LRP12: variants seen among roughly 807,000 people sequenced by gnomAD.
LRP12 encodes LDL receptor related protein 12, also known as low-density lipoprotein receptor-related protein 12.
LRP12 carries 14 observed loss-of-function variants against 66.0 expected under a neutral mutation model. The observed-to-expected ratio is 0.21, with a 90% CI of 0.14 to 0.33. The LOEUF is 0.33. Among genes scored for constraint, LRP12 ranks in the 10% least tolerant of loss-of-function variants. LRP12 has a pLI of 1.00. For missense variants in LRP12, 889 were observed against 1,053.4 expected (o/e 0.84, Z 2.16); for synonymous variants, 357 against 359.1 (o/e 0.99, Z 0.07).
chr8:104,584,801 T>C (rs890389465), intron 1 of LRP12, among the ~76,000 whole-genome samples: 1 of 152,230 alleles, frequency 6.6e-6, no homozygotes, highest in Admixed American at 6.5e-5. Flanking sequence ...TTTTATGTAA[T>C]CAAACTTGAC....
intron 1 of LRP12, among the ~76,000 whole-genome samples, chr8:104,549,278 T>C (rs566022958): frequency 6.6e-6 from 1 of 152,194 alleles, no homozygotes; most frequent in East Asian, 1.9e-4. Flanking sequence ...TACCTATCAT[T>C]TACTCCTGAA....
chr8:104,585,366 C>T (rs1212240944), intron 1 of LRP12, among the ~76,000 whole-genome samples: 3 of 152,164 alleles, frequency 2.0e-5, no homozygotes, highest in African/African-American at 7.2e-5. Flanking sequence ...GCTGGGATTA[C>T]AGGCATGTAC....
At chr8:104,556,162 C>T (rs1811803733) in intron 1 of LRP12, among the ~76,000 whole-genome samples, 1 of 152,028 alleles carries the variant, frequency 6.6e-6, no homozygotes, top group Non-Finnish European at 1.5e-5. Context: ...AAAAGCAGTG[C>T]TATGAGGAAA....
intron 6 of LRP12, among the ~76,000 whole-genome samples, chr8:104,492,823 A>C (rs1028431976): frequency 6.6e-6 from 1 of 151,986 alleles, no homozygotes; most frequent in Non-Finnish European, 1.5e-5. Flanking sequence ...AGTTTTCACC[A>C]ATTAAGAAGT....
intron 1 of LRP12, among the ~76,000 whole-genome samples, chr8:104,548,249 ATAT>A (rs1409885821): frequency 2.3e-4 from 23 of 100,692 alleles, no homozygotes; most frequent in East Asian, 1.5e-3. Context: ...TATACGATAT[ATAT>A]TATATTAATA....
In LRP12 at chr8:104,546,868, CTTCTTATAATTATT is replaced by C. The variant is rs1811566608; in HGVS notation, c.80-14919_80-14906del. On this transcript the variant is annotated intron_variant, in intron 1 of 6. Transcript: ENST00000276654. ...GGCCCTCTTCATTCTTATAATTATT[CTTCTTATAATTATT>C]CTTCTTATAATTATTATTATATATA... is the stretch of plus-strand genomic sequence containing the variant. 4.6e-4 allele frequency among the ~76,000 whole-genome samples: 3 copies of C among 6,456 alleles called. No individual in the cohort carries two copies. In the African/African-American group the frequency reaches 7.4e-3, roughly 16 times the overall value. The allele number at this position is 6,456 out of a possible 152,430, so 4.2% of individuals were successfully genotyped here.
In LRP12 at chr8:104,500,215, T is replaced by C. The variant is rs557092505; in HGVS notation, c.273-696A>G. Among the ~76,000 whole-genome samples the C allele has an allele frequency of 3.3e-5, 5 of 152,326 alleles. No individual in the cohort carries two copies. In the East Asian group the frequency reaches 9.7e-4, roughly 29 times the overall value. On this transcript the variant is annotated intron_variant, in intron 3 of 6. Transcript: ENST00000276654. ...AAAAAGAGAAACCAAAATACAGTTT[T>C]ACAATATCTGAATATGCCTCACCAA... is the stretch of plus-strand genomic sequence containing the variant.
intron 1 of LRP12, among the ~76,000 whole-genome samples, chr8:104,547,613 TA>T (rs570561489): frequency 0.017 from 2,123 of 122,902 alleles, 79 homozygotes; most frequent in African/African-American, 0.066. Flanking sequence ...TATTAATATA[TA>T]ATATATTAAT....
At chr8:104,579,458 T>C (rs555022122) in intron 1 of LRP12, among the ~76,000 whole-genome samples, 1 of 152,348 alleles carries the variant, frequency 6.6e-6, no homozygotes, top group South Asian at 2.1e-4. Flanking sequence ...AAACATTCTA[T>C]GTTTATGGGT....
At chr8:104,574,590 A>T (rs1167765237) in intron 1 of LRP12, among the ~76,000 whole-genome samples, 2 of 152,164 alleles carry the variant, frequency 1.3e-5, no homozygotes, top group African/African-American at 4.8e-5. Context: ...ACATGTTTAC[A>T]TACAGCTTTA....
intron 2 of LRP12, among the ~76,000 whole-genome samples, chr8:104,514,608 A>G (rs1266344128): frequency 6.6e-6 from 1 of 151,542 alleles, no homozygotes; most frequent in Non-Finnish European, 1.5e-5. Flanking sequence ...CCAGCTACTC[A>G]GGAGGCTGAG....
rs180686166 is a variant in LRP12 at position 104,499,634 on chromosome 8, G to A, written c.273-115C>T. Reference sequence around the variant, plus strand: ...TCCATATACTGACTGATTCTCCTGGGTTTTCTAGGCATACAACCGTATCAT... The same window carrying A: ...TCCATATACTGACTGATTCTCCTGGATTTTCTAGGCATACAACCGTATCAT... On this transcript the variant is annotated intron_variant, in intron 3 of 6. Transcript: ENST00000276654. The A allele has an allele frequency of 2.9e-5, 18 of 625,526 alleles. No homozygotes were observed. The African/African-American group carries it at 3.0e-4, about 10-fold the overall frequency. The allele number at this position is 625,526 out of a possible 1,614,324, so 38.7% of individuals were successfully genotyped here. A position where few individuals can be genotyped will look rare whatever the true frequency, so the allele number is the denominator to read the frequency against.
At chr8:104,577,830 AAAAG>A (rs1468942280) in intron 1 of LRP12, among the ~76,000 whole-genome samples, 1 of 150,950 alleles carries the variant, frequency 6.6e-6, no homozygotes, top group Non-Finnish European at 1.5e-5. Context: ...AAAAAAAAGA[AAAAG>A]AAAGTTCTTG....
rs1811634359 is a variant in LRP12 at position 104,548,157 on chromosome 8, TA to T, written c.80-16195del. On this transcript the variant is annotated intron_variant, in intron 1 of 6. Transcript: ENST00000276654. ...TAATTATAATTATATTATATATTAA[TA>T]ATTATTATATATAATATAATATATA... 5.8e-5 allele frequency among the ~76,000 whole-genome samples: 4 copies of T among 68,676 alleles called. No homozygotes were observed. In the South Asian group the frequency reaches 1.8e-3, roughly 32 times the overall value. The allele number at this position is 68,676 out of a possible 152,430, so 45.1% of individuals were successfully genotyped here.
At chr8:104,502,013 G>T (rs1354362204) in intron 3 of LRP12, among the ~76,000 whole-genome samples, 1 of 152,108 alleles carries the variant, frequency 6.6e-6, no homozygotes, top group East Asian at 1.9e-4. Context: ...AGTAGAAAAT[G>T]AGATTCTTCT....
chr8:104,516,999 T>C (rs1479449641), intron 2 of LRP12, among the ~76,000 whole-genome samples: 1 of 151,876 alleles, frequency 6.6e-6, no homozygotes, highest in African/African-American at 2.4e-5. Context: ...TTGACTTTGA[T>C]TTTAATAAAT....
In LRP12 at chr8:104,588,929, ACGGAGGAGGAGG is replaced by A. The variant is rs1812382567; in HGVS notation, c.-44_-33del. 3 of 1,533,516 alleles carry A rather than the reference ACGGAGGAGGAGG, an allele frequency of 2.0e-6. No individual in the cohort carries two copies. In the African/African-American group the frequency reaches 4.2e-5, roughly 21 times the overall value. The allele number at this position is 1,533,516 out of a possible 1,614,324, so 95.0% of individuals were successfully genotyped here. On this transcript the variant is annotated 5_prime_UTR_variant, in exon 1 of 7. Transcript: ENST00000276654. ...AGCAGATGGAGAGAGAGAGGAGGAGACGGAGGAGGAGGGAGGAGAAGCTGGAGGTAGACGACG... is the reference window on the plus strand; with the variant it reads ...AGCAGATGGAGAGAGAGAGGAGGAGAGAGGAGAAGCTGGAGGTAGACGACG...
chr8:104,565,465 A>C (rs1029893667), intron 1 of LRP12, among the ~76,000 whole-genome samples: 2 of 152,230 alleles, frequency 1.3e-5, no homozygotes, highest in African/African-American at 4.8e-5. Context: ...CAGAATTCTG[A>C]AAGAAAATAT....
intron 2 of LRP12, among the ~76,000 whole-genome samples, chr8:104,518,863 T>C (rs1811108748): frequency 6.6e-6 from 1 of 151,918 alleles, no homozygotes; most frequent in Non-Finnish European, 1.5e-5. Flanking sequence ...GAGGGAGACA[T>C]TTCAAAGGAA....
Sources: gnomAD v4.1 joint callset for allele counts (sites outside exome capture counted in the v4.1 genomes callset) on GRCh38, gnomAD v4.1.1 for gene constraint, MANE v1.5 for transcripts, NCBI Gene and HGNC (gene_info 2026-07-23, HGNC 2026-07-21) for gene names.